Variants in USP25 observed in about 807,000 individuals in gnomAD.
USP25 encodes the protein ubiquitin specific peptidase 25, also known as ubiquitin carboxyl-terminal hydrolase 25.
A neutral mutation model predicts 158.5 loss-of-function variants in USP25; 85 were observed. That is an observed-to-expected ratio of 0.54 (90% CI 0.45 to 0.64). USP25 has a LOEUF of 0.64. USP25 is among the 30% of genes least tolerant of loss of function. The probability of loss-of-function intolerance (pLI) is 0.00; values close to 1 mark genes in which losing one functional copy is unlikely to be tolerated. For synonymous variants in USP25, 464 were observed against 460.4 expected (o/e 1.01, Z -0.10); for missense variants, 1,242 against 1,327.3 (o/e 0.94, Z 1.00).
At chr21:15,833,118 T>C (rs1467055156) in intron 16 of USP25, among the ~76,000 whole-genome samples, 1 of 152,176 alleles carries the variant, frequency 6.6e-6, no homozygotes, top group African/African-American at 2.4e-5. Flanking sequence ...CCATTACCTA[T>C]GATGGATTAT....
chr21:15,746,530 G>C (rs888469202), intron 1 of USP25, among the ~76,000 whole-genome samples: 1 of 152,028 alleles, frequency 6.6e-6, no homozygotes, highest in Non-Finnish European at 1.5e-5. Flanking sequence ...TAGTAGCTGG[G>C]ACTACAGGTG....
intron 3 of USP25, among the ~76,000 whole-genome samples, chr21:15,771,487 C>CG (rs1421414031): frequency 5.9e-5 from 9 of 152,176 alleles, no homozygotes; most frequent in African/African-American, 2.2e-4. Flanking sequence ...GCGTCCCAGA[C>CG]CAGGGCCTGA....
intron 8 of USP25, among the ~76,000 whole-genome samples, 158 bp downstream of exon 8, chr21:15,809,043 T>C (rs777030212): frequency 6.6e-6 from 1 of 152,154 alleles, no homozygotes; most frequent in Non-Finnish European, 1.5e-5. Flanking sequence ...GCACAAATAA[T>C]AGTGTAACCA....
At chr21:15,833,700 A>G (rs1309818492) in intron 17 of USP25, 152 bp downstream of exon 17, 1 of 733,058 alleles carries the variant, frequency 1.4e-6, no homozygotes, top group Non-Finnish European at 2.2e-6. Flanking sequence ...ACAGTTAACA[A>G]TTTAGTTTAC....
chr21:15,808,343 T>G (rs548911577), intron 7 of USP25, among the ~76,000 whole-genome samples: 1 of 151,440 alleles, frequency 6.6e-6, no homozygotes, highest in Non-Finnish European at 1.5e-5. Context: ...TAAAAAGTTG[T>G]GTGTGTAAGT....
chr21:15,811,056 A>G (rs1439315519), intron 8 of USP25, 81 bp from the exon 9 acceptor site: 4 of 1,258,714 alleles, frequency 3.2e-6, no homozygotes, highest in South Asian at 1.3e-5. Flanking sequence ...TTGTCTTGTC[A>G]TATGTTATAG....
intron 1 of USP25, among the ~76,000 whole-genome samples, chr21:15,761,693 A>C (rs2033735544): frequency 6.6e-6 from 1 of 152,180 alleles, no homozygotes; most frequent in Admixed American, 6.5e-5. Context: ...TGTAGGAGGA[A>C]TCAGGGGAGA....
At chr21:15,874,638 A>G (rs2040027905) in intron 24 of USP25, 112 bp downstream of exon 24, 7 of 1,101,218 alleles carry the variant, frequency 6.4e-6, no homozygotes, top group Non-Finnish European at 8.8e-6. Context: ...TAAGAACATG[A>G]TGATGTCTAT....
At chr21:15,806,583 G>A (rs1338094953) in intron 7 of USP25, among the ~76,000 whole-genome samples, 1 of 151,966 alleles carries the variant, frequency 6.6e-6, no homozygotes, top group Non-Finnish European at 1.5e-5. Flanking sequence ...TACAACTGGC[G>A]GTTAAGGCCA....
chr21:15,754,893 G>A (rs1178998140), intron 1 of USP25, among the ~76,000 whole-genome samples: 1 of 152,166 alleles, frequency 6.6e-6, no homozygotes, highest in Non-Finnish European at 1.5e-5. Context: ...CAAACATGAA[G>A]GATGTGTTAT....
rs1288200348 is a variant in USP25, at chr21:15,870,216, A to T, written c.2885+69A>T. 10 of 1,024,422 alleles carry T rather than the reference A, an allele frequency of 9.8e-6. No individual in the cohort carries two copies. The Admixed American group carries it at 2.5e-4, about 26-fold the overall frequency. The allele number at this position is 1,024,422 out of a possible 1,614,324, so 63.5% of individuals were successfully genotyped here. On this transcript the variant is annotated intron_variant, in intron 23 of 25. Transcript: ENST00000400183. Reference sequence around the variant, plus strand: ...CTTAATTCTATTCAGGTGTGACCTCATCCATGGAAAAGATTTTATTCATAC... The same window carrying T: ...CTTAATTCTATTCAGGTGTGACCTCTTCCATGGAAAAGATTTTATTCATAC...
At chr21:15,818,905 G>A in intron 10 of USP25, 59 bp downstream of exon 10, 8 of 1,555,300 alleles carry the variant, frequency 5.1e-6, no homozygotes, top group Middle Eastern at 1.7e-4. Context: ...CAATGCTATA[G>A]CACAATGTAA....
intron 24 of USP25, chr21:15,876,131 G>C (rs2040088096): frequency 1.3e-5 from 2 of 152,132 alleles, no homozygotes; most frequent in South Asian, 4.1e-4. Context: ...CTAATAGGAG[G>C]AACAAGGTTG....
At position 15,730,356 on chromosome 21, in the gene USP25, GCGCCACCGCCGCCGC is replaced by G; in HGVS notation, c.-33_-19del. The G allele has an allele frequency of 1.7e-6, 2 of 1,171,380 alleles. No individual in the cohort carries two copies. The highest frequency in any genetic ancestry group is 2.1e-6 in the Non-Finnish European group (2 of 951,630). 72.6% of individuals were successfully genotyped at this position (1,171,380 alleles called of 1,614,324 possible). A position where few individuals can be genotyped will look rare whatever the true frequency, so the allele number is the denominator to read the frequency against. ...GGCCGGCGGAGGCGCGAGGAGCCGGGCGCCACCGCCGCCGCCGCCGCCGCCGCCGCGGGGGCCATG... is the reference window on the plus strand; with the variant it reads ...GGCCGGCGGAGGCGCGAGGAGCCGGGCGCCGCCGCCGCCGCGGGGGCCATG... On this transcript the variant is annotated 5_prime_UTR_variant, in exon 1 of 26. Transcript: ENST00000400183.
chr21:15,802,408 G>T (rs1034965587), intron 6 of USP25, among the ~76,000 whole-genome samples: 1 of 151,500 alleles, frequency 6.6e-6, no homozygotes, highest in African/African-American at 2.4e-5. Context: ...ATAAGTCTCA[G>T]TGCATCTTAG....
intron 1 of USP25, among the ~76,000 whole-genome samples, chr21:15,736,983 A>C (rs2031582360): frequency 6.6e-6 from 1 of 150,456 alleles, no homozygotes; most frequent in Non-Finnish European, 1.5e-5. Context: ...TGTTTTTAAG[A>C]GTTCAGAAAT....
intron 9 of USP25, among the ~76,000 whole-genome samples, chr21:15,813,144 T>TC (rs2036758185): frequency 6.6e-6 from 1 of 152,142 alleles, no homozygotes; most frequent in Non-Finnish European, 1.5e-5. Flanking sequence ...CTGTAGTGGA[T>TC]CATGAATTTG....
intron 3 of USP25, among the ~76,000 whole-genome samples, chr21:15,772,337 T>C (rs1179082597): frequency 6.6e-6 from 1 of 152,182 alleles, no homozygotes; most frequent in East Asian, 1.9e-4. Context: ...AAAAATGTTT[T>C]AATTTGGACT....
intron 1 of USP25, among the ~76,000 whole-genome samples, chr21:15,747,597 T>G (rs2032663851): frequency 6.6e-6 from 1 of 152,144 alleles, no homozygotes; most frequent in South Asian, 2.1e-4. Context: ...AGAACAACTA[T>G]GATAATATAA....
Sources: allele counts gnomAD v4.1 joint callset (sites outside exome capture counted in the v4.1 genomes callset), GRCh38; gene constraint gnomAD v4.1.1; transcripts MANE v1.5; gene names NCBI Gene and HGNC (gene_info 2026-07-23, HGNC 2026-07-21).